The following CACNA1H variants were observed in gnomAD, a reference collection of about 807,000 sequenced individuals.
CACNA1H encodes the protein voltage-dependent T-type calcium channel subunit alpha-1H.
Under a neutral mutation model 192.5 loss-of-function variants are expected in CACNA1H, and 149 were observed. That is an observed-to-expected ratio of 0.77 (90% CI 0.68 to 0.89). CACNA1H has a LOEUF of 0.89. Among genes scored for constraint, CACNA1H ranks in the 40% least tolerant of loss-of-function variants. The pLI is 0.00. For synonymous variants in CACNA1H, 2,202 were observed against 1,475.2 expected, an observed-to-expected ratio of 1.49 and a Z score of -11.29; for missense variants, 4,257 against 3,423.5, an observed-to-expected ratio of 1.24 and a Z score of -6.08.
intron 2 of CACNA1H, among the ~76,000 whole-genome samples, chr16:1,169,788 C>G (rs13334869): frequency 0.015 from 2,223 of 152,342 alleles, 9 homozygotes; most frequent in African/African-American, 0.017. Context: ...AGGCCTGGTC[C>G]CTGGCCCCTG....
intron 2 of CACNA1H, among the ~76,000 whole-genome samples, chr16:1,190,907 G>A (rs370763330): frequency 4.8e-3 from 705 of 147,390 alleles, no homozygotes; most frequent in African/African-American, 0.018. Context: ...TGGCTGTGTG[G>A]CCTCAGGCAC....
At chr16:1,154,341 G>A (rs995600485) in intron 2 of CACNA1H, among the ~76,000 whole-genome samples, 1 of 152,138 alleles carries the variant, frequency 6.6e-6, no homozygotes, top group Non-Finnish European at 1.5e-5. Context: ...GGGGAGGGAG[G>A]GAAGGTCCTA....
intron 2 of CACNA1H, among the ~76,000 whole-genome samples, chr16:1,178,416 A>AC (rs1170526304): frequency 3.4e-5 from 5 of 145,546 alleles, no homozygotes; most frequent in East Asian, 2.1e-4. Flanking sequence ...GTCCTAACCC[A>AC]CCCCCCCAAG....
chr16:1,198,982 C>A, intron 6 of CACNA1H: 1 of 568,322 alleles, frequency 1.8e-6, no homozygotes, highest in Non-Finnish European at 3.2e-6. Flanking sequence ...GCAGTCACCG[C>A]CCCACATGGC....
At position 1,211,565 on chromosome 16, in the gene CACNA1H, C is replaced by A. The variant is rs181140276; in HGVS notation, c.4435C>A (p.Arg1479Ser). The A allele has an allele frequency of 1.9e-6, 3 of 1,611,434 alleles. No homozygotes were observed. In the East Asian group the frequency reaches 6.7e-5, roughly 36 times the overall value. The change falls in exon 23 of 35, where the codon CGC (arginine) becomes AGC (serine). Residue 1479 changes from arginine (R) to serine (S), a missense_variant. Transcript: ENST00000348261. ...GGCACAGTGCCGGGCCGCCCACTAC[C>A]GCTGGGTGCGACGCAAGTACAACTT... ...TKAQCRAAHY[R>S]WVRRKYNFDN...
At chr16:1,206,753 C>T (rs552403745) in intron 12 of CACNA1H, 7 of 506,138 alleles carry the variant, frequency 1.4e-5, no homozygotes, top group African/African-American at 9.6e-5. Flanking sequence ...GAGTGGCTTC[C>T]CTCTGTCTGT....
chr16:1,169,752 C>T (rs1038919892), intron 2 of CACNA1H, among the ~76,000 whole-genome samples: 7 of 152,240 alleles, frequency 4.6e-5, no homozygotes, highest in Non-Finnish European at 8.8e-5. Context: ...TGCTTGTTCC[C>T]AGGAACGTTT....
chr16:1,167,476 A>C lies in CACNA1H; in HGVS notation c.299+13440A>C, dbSNP rs1469488478. On this transcript the variant is annotated intron_variant, in intron 2 of 34. Coordinates refer to ENST00000348261, the MANE Select transcript of CACNA1H (RefSeq NM_021098.3). This position sits in a 1 kb window ranked among gnomAD's most constrained non-coding sequence, Gnocchi z 4.2. ...ACTTGGAATAAAAAAAAAAATTATTAATGAGCTTGGTGCGGTTGCCATGGG... is the reference window on the plus strand; with the variant it reads ...ACTTGGAATAAAAAAAAAAATTATTCATGAGCTTGGTGCGGTTGCCATGGG... Among the ~76,000 whole-genome samples, 1 of 152,116 alleles carries C rather than the reference A, an allele frequency of 6.6e-6. No individual in the cohort carries two copies. Among genetic ancestry groups the C allele is most frequent in the Non-Finnish European group, 1.5e-5 (1 of 68,018 alleles).
intron 2 of CACNA1H, among the ~76,000 whole-genome samples, chr16:1,187,105 C>G: frequency 6.6e-6 from 1 of 152,374 alleles, no homozygotes. Context: ...GGGCTGATAG[C>G]GCCTGTGGGA....
chr16:1,160,638 G>A (rs911271222), intron 2 of CACNA1H, among the ~76,000 whole-genome samples: 16 of 152,340 alleles, frequency 1.1e-4, no homozygotes, highest in East Asian at 3.9e-4. Flanking sequence ...CACACTCCTC[G>A]CGGGGCGGAG....
At chr16:1,174,376 G>A (rs187777624) in intron 2 of CACNA1H, among the ~76,000 whole-genome samples, 2 of 152,290 alleles carry the variant, frequency 1.3e-5, no homozygotes, top group African/African-American at 4.8e-5. Context: ...CAGCAGCCAA[G>A]CATGAATTTA....
intron 2 of CACNA1H, among the ~76,000 whole-genome samples, chr16:1,166,620 G>T (rs555595224): frequency 6.6e-6 from 1 of 152,084 alleles, no homozygotes; most frequent in Non-Finnish European, 1.5e-5. Flanking sequence ...CAGCTGTCTC[G>T]GCGTCTCCCG....
chr16:1,187,223 G>A (rs1486016223), intron 2 of CACNA1H, among the ~76,000 whole-genome samples: 1 of 152,250 alleles, frequency 6.6e-6, no homozygotes, highest in African/African-American at 2.4e-5. Context: ...GGCGGCCAGC[G>A]CCGCGTGGGG....
intron 8 of CACNA1H, among the ~76,000 whole-genome samples, chr16:1,201,181 C>G (rs940359083): frequency 2.3e-4 from 35 of 152,186 alleles, no homozygotes; most frequent in African/African-American, 8.0e-4. Flanking sequence ...CCGCAGACGT[C>G]TGTGGGGTCC....
chr16:1,174,948 A>AC (rs1339893900), intron 2 of CACNA1H, among the ~76,000 whole-genome samples: 2 of 10,832 alleles, frequency 1.8e-4, no homozygotes, highest in Non-Finnish European at 3.9e-4. Flanking sequence ...CCACCCCCCC[A>AC]CCCCCCACCT....
In CACNA1H at chr16:1,202,116, C is replaced by T; in HGVS notation, c.1666C>T (p.Pro556Ser). 6.5e-7 allele frequency: 1 copy of T among 1,546,164 alleles called. No homozygotes were observed. The highest frequency in any genetic ancestry group is 1.4e-5 in the African/African-American group (1 of 73,112). ...CACCAGGCTGGTCCGAGCTGGCGCG[C>T]CCCCCTCGCCACCTTCCCCAGGCCG... Reference protein sequence around the residue: ...CDTRLVRAGAPPSPPSPGRGP... With the variant: ...CDTRLVRAGASPSPPSPGRGP... Residue 556 changes from proline to serine, a missense_variant, in exon 9 of 35, where the codon CCC becomes TCC. Transcript: ENST00000348261.
At chr16:1,178,335 T>G (rs1027160835) in intron 2 of CACNA1H, among the ~76,000 whole-genome samples, 101 of 144,200 alleles carry the variant, frequency 7.0e-4, no homozygotes, top group South Asian at 1.7e-3. Context: ...TTTACGGGCT[T>G]CTTCTGGTGC....
At chr16:1,169,440 C>T (rs1390398220) in intron 2 of CACNA1H, among the ~76,000 whole-genome samples, 1 of 152,218 alleles carries the variant, frequency 6.6e-6, no homozygotes, top group Non-Finnish European at 1.5e-5. Flanking sequence ...CGCCTTGGTC[C>T]TCGCCAGCAT....
intron 2 of CACNA1H, among the ~76,000 whole-genome samples, chr16:1,173,721 C>T (rs941544380): frequency 4.6e-5 from 7 of 152,206 alleles, no homozygotes; most frequent in Non-Finnish European, 1.0e-4. Context: ...CCCCGGCCGC[C>T]GTGCTGAGAA....
Sources: gnomAD v4.1 joint callset for allele counts (sites outside exome capture counted in the v4.1 genomes callset) on GRCh38, gnomAD v4.1.1 for gene constraint, Gnocchi (gnomAD v3.1) non-coding constraint, MANE v1.5 for transcripts, NCBI Gene and HGNC (gene_info 2026-07-23, HGNC 2026-07-21) for gene names.